ABCA5: variants seen among roughly 807,000 people sequenced by gnomAD.
ABCA5 encodes the protein cholesterol transporter ABCA5.
Under a neutral mutation model 206.0 loss-of-function variants are expected in ABCA5, and 163 were observed. That is an observed-to-expected ratio of 0.79 (90% CI 0.70 to 0.90). ABCA5 has a LOEUF of 0.90. ABCA5 is among the 40% of genes least tolerant of loss of function. ABCA5 has a pLI of 0.00. For synonymous variants in ABCA5, 609 were observed against 613.8 expected (o/e 0.99, Z 0.11); for missense variants, 1,859 against 1,912.9 (o/e 0.97, Z 0.53).
At chr17:69,248,987 A>G (rs1026443145) in intron 37 of ABCA5, 2 of 152,294 alleles carry the variant, frequency 1.3e-5, no homozygotes, top group African/African-American at 4.8e-5. Context: ...TCAGCCTCCC[A>G]AAGTGCTGAG....
chr17:69,271,256 G>A lies in ABCA5; in HGVS notation c.2798C>T (p.Thr933Ile), dbSNP rs745841862. 6.2e-7 allele frequency: 1 copy of A among 1,612,550 alleles called. No individual in the cohort carries two copies. Among genetic ancestry groups the A allele is most frequent in the East Asian group, 2.2e-5 (1 of 44,798 alleles). ...CATCGTCACCATTATGTTCTGGCTTGTGAAAAAGCTAATAAGATCACTGAT... is the reference window on the plus strand; with the variant it reads ...CATCGTCACCATTATGTTCTGGCTTATGAAAAAGCTAATAAGATCACTGAT... ...SDISDLISFF[T>I]SQNIMVTMIN... Residue 933 changes from threonine to isoleucine, a missense_variant, in exon 21 of 39, where the codon ACA becomes ATA. Transcript: ENST00000392676.
At chr17:69,318,952 G>T in intron 1 of ABCA5, 1 of 591,398 alleles carries the variant, frequency 1.7e-6, no homozygotes, top group Non-Finnish European at 3.1e-6. Context: ...TAGAAGCCTT[G>T]GAACAAGTAT....
chr17:69,312,397 T>C lies in ABCA5; in HGVS notation c.307+695A>G, dbSNP rs2075778769. ...GGGCAACATAGCAAGATCCCATCTC[T>C]ACAAAAAATATATATATAAATAAAT... On this transcript the variant is annotated intron_variant, in intron 3 of 38. Transcript: ENST00000392676. 2.0e-5 allele frequency among the ~76,000 whole-genome samples: 3 copies of C among 152,248 alleles called. No individual in the cohort carries two copies. The South Asian group carries it at 6.2e-4, about 32-fold the overall frequency.
rs180924615 is a variant in ABCA5 at position 69,255,719 on chromosome 17, A to C, written c.3976+14T>G. On this transcript the variant is annotated intron_variant, in intron 30 of 38. Transcript: ENST00000392676. Reference sequence around the variant, plus strand: ...CTTCTAGAAAAGTTATGTAAGGAAAAATTAAATACCAGCCTTTTTTCACAC... The same window carrying C: ...CTTCTAGAAAAGTTATGTAAGGAAACATTAAATACCAGCCTTTTTTCACAC... The C allele has an allele frequency of 1.6e-4, 252 of 1,580,462 alleles. No individual in the cohort carries two copies. The African/African-American group carries it at 2.9e-3, about 18-fold the overall frequency.
intron 1 of ABCA5, among the ~76,000 whole-genome samples, chr17:69,321,079 G>A (rs1178611154): frequency 6.6e-6 from 1 of 152,136 alleles, no homozygotes; most frequent in Non-Finnish European, 1.5e-5. Flanking sequence ...ATCCTCCACT[G>A]TTTTGCAGGG....
chr17:69,261,205 T>C lies in ABCA5; in HGVS notation c.3484A>G (p.Ile1162Val), dbSNP rs201119286. ...TEITFFMGYTIATILHYAFCI... is the reference protein window; with the variant it reads ...TEITFFMGYTVATILHYAFCI... The stretch of plus-strand genomic sequence containing the variant: ...AAGGCATAATGAAGAATAGTTGCAA[T>C]TGTGTATCCCATAAAGAAAGTTATT... The change falls in exon 26 of 39, where the codon ATT becomes GTT. Residue 1162 changes from isoleucine (I) to valine (V), a missense_variant. Ile to Val is a conservative substitution (Grantham distance 29, BLOSUM62 3). Coordinates refer to ENST00000392676, the MANE Select transcript of ABCA5 (RefSeq NM_172232.4). 3.1e-6 allele frequency: 5 copies of C among 1,609,430 alleles called. No individual in the cohort carries two copies. Among genetic ancestry groups the C allele is most frequent in the East Asian group, 4.5e-5 (2 of 44,598 alleles).
intron 14 of ABCA5, 58 bp downstream of exon 14, chr17:69,289,116 CCTG>C (rs760980842): frequency 1.0e-4 from 155 of 1,518,018 alleles, no homozygotes; most frequent in African/African-American, 3.7e-4. Flanking sequence ...CTTTCTACAA[CCTG>C]CTTTTTAATT....
In ABCA5 at chr17:69,255,866, G is replaced by T. The variant is rs1003318222; in HGVS notation, c.3859-16C>A. On this transcript the variant is annotated splice_polypyrimidine_tract_variant and intron_variant, in intron 29 of 38. Transcript: ENST00000392676. ...TGGATGGTTTCTAATAAGAAAAATT[G>T]TATTTAAAAAGAAAGTTATAAAACT... 2.0e-6 allele frequency: 3 copies of T among 1,518,112 alleles called. No individual in the cohort carries two copies. In the South Asian group the frequency reaches 3.7e-5, roughly 19 times the overall value. 94.0% of individuals were successfully genotyped at this position (1,518,112 alleles called of 1,614,324 possible).
At chr17:69,288,261 G>A (rs1231469945) in intron 14 of ABCA5, among the ~76,000 whole-genome samples, 1 of 152,042 alleles carries the variant, frequency 6.6e-6, no homozygotes, top group East Asian at 1.9e-4. Context: ...CAGGATGGTG[G>A]GGATCAATAG....
intron 24 of ABCA5, among the ~76,000 whole-genome samples, chr17:69,262,928 TCTAA>T (rs1386921079): frequency 6.6e-6 from 1 of 152,220 alleles, no homozygotes; most frequent in Non-Finnish European, 1.5e-5. Flanking sequence ...TCATAGCCAT[TCTAA>T]CTGACATGAG....
At position 69,281,113 on chromosome 17, in the gene ABCA5, A is replaced by G. The variant is rs1038623250; in HGVS notation, c.2392+2840T>C. 1.1e-4 allele frequency among the ~76,000 whole-genome samples: 17 copies of G among 151,930 alleles called. 1 individual carries two copies. Among genetic ancestry groups the G allele is most frequent in the Admixed American group, 1.1e-3 (17 of 15,274 alleles). ...ATAAACATATATTTATTTAATGGCA[A>G]GAATAAAATACTACACAATTGAGGT... is the stretch of plus-strand genomic sequence containing the variant. On this transcript the variant is annotated intron_variant, in intron 18 of 38. Coordinates refer to ENST00000392676, the MANE Select transcript of ABCA5 (RefSeq NM_172232.4).
In ABCA5 at chr17:69,323,092, A is replaced by G. The variant is rs114874449; in HGVS notation, c.-16+3960T>C. ...GCTTCTAAACGTTGTTCGGCACTGA[A>G]GGTTGACTTTGGAGACTGGGTCATG... is the stretch of plus-strand genomic sequence containing the variant. On this transcript the variant is annotated intron_variant, in intron 1 of 38. Transcript: ENST00000392676. Among the ~76,000 whole-genome samples the G allele has an allele frequency of 2.6e-3, 399 of 152,286 alleles. 1 individual carries two copies. Among genetic ancestry groups the G allele is most frequent in the African/African-American group, 9.1e-3 (379 of 41,552 alleles).
chr17:69,248,874 T>C (rs2074981620), intron 37 of ABCA5: 1 of 152,258 alleles, frequency 6.6e-6, no homozygotes, highest in Admixed American at 6.6e-5. Flanking sequence ...TACAGGCACA[T>C]GCCACTATAC....
chr17:69,248,594 C>T (rs2074978523), intron 37 of ABCA5: 1 of 250,766 alleles, frequency 4.0e-6, no homozygotes, highest in African/African-American at 2.2e-5. Flanking sequence ...CTTTTCATGT[C>T]TTCTTTTGAT....
chr17:69,254,101 C>T lies in ABCA5; in HGVS notation c.4244+214G>A, dbSNP rs149795712. ...TCATGATATCTATAGGTATATTTAT[C>T]CTGTAACTAGAAATTAAAAAATGAC... On this transcript the variant is annotated intron_variant, in intron 32 of 38. Coordinates refer to ENST00000392676, the MANE Select transcript of ABCA5 (RefSeq NM_172232.4). Among the ~76,000 whole-genome samples the T allele has an allele frequency of 5.2e-3, 792 of 151,972 alleles. 12 individuals carry two copies. The highest frequency in any genetic ancestry group is 0.018 in the African/African-American group (731 of 41,468).
chr17:69,294,722 T>C lies in ABCA5; in HGVS notation c.1437-9A>G, dbSNP rs1043798301. On this transcript the variant is annotated splice_polypyrimidine_tract_variant and intron_variant, in intron 10 of 38. Transcript: ENST00000392676. Reference sequence around the variant, plus strand: ...TCTGAATACCACTAATTCTGAAATATAAAGTTTTATATTTTAAGTATTTAA... The same window carrying C: ...TCTGAATACCACTAATTCTGAAATACAAAGTTTTATATTTTAAGTATTTAA... 1.9e-6 allele frequency: 3 copies of C among 1,571,880 alleles called. No homozygotes were observed. The highest frequency in any genetic ancestry group is 3.4e-5 in the Admixed American group (2 of 58,456).
In ABCA5 at chr17:69,313,192, C is replaced by T; in HGVS notation, c.207G>A (p.Met69Ile). Residue 69 changes from methionine to isoleucine, a missense_variant, in exon 3 of 39, where the codon ATG (methionine) becomes ATA (isoleucine). Physicochemically the swap from Met to Ile is conservative, Grantham distance 10 (BLOSUM62 1). Transcript: ENST00000392676. ...TTAGATTAGAAAGAGTAAACTTGTCCATAGGATTGAGTTCTATATTAGGCA... is the reference window on the plus strand; with the variant it reads ...TTAGATTAGAAAGAGTAAACTTGTCTATAGGATTGAGTTCTATATTAGGCA... The part of the protein sequence containing the change: ...EEVPNIELNP[M>I]DKFTLSNLIL... The T allele has an allele frequency of 1.3e-6, 2 of 1,593,964 alleles. No homozygotes were observed. Among genetic ancestry groups the T allele is most frequent in the Non-Finnish European group, 1.7e-6 (2 of 1,162,552 alleles).
intron 26 of ABCA5, among the ~76,000 whole-genome samples, chr17:69,260,649 G>A (rs946293221): frequency 6.6e-6 from 1 of 151,890 alleles, no homozygotes; most frequent in South Asian, 2.1e-4. Context: ...AGTAGGATTA[G>A]TAAGTAGAAT....
At position 69,261,621 on chromosome 17, in the gene ABCA5, A is replaced by G; in HGVS notation, c.3429+14T>C. The stretch of plus-strand genomic sequence containing the variant: ...CTGCTATGGAAAGTTGAAATAATGT[A>G]AAATGTGACTTACCACAGAATAGAT... On this transcript the variant is annotated intron_variant, in intron 25 of 38. Transcript: ENST00000392676. 1 of 1,144,976 alleles carries G rather than the reference A, an allele frequency of 8.7e-7. No individual in the cohort carries two copies. Among genetic ancestry groups the G allele is most frequent in the South Asian group, 1.5e-5 (1 of 68,866 alleles). The allele number at this position is 1,144,976 out of a possible 1,614,324, so 70.9% of individuals were successfully genotyped here. A position where few individuals can be genotyped will look rare whatever the true frequency, so the allele number is the denominator to read the frequency against.
Sources: allele counts gnomAD v4.1 joint callset (sites outside exome capture counted in the v4.1 genomes callset), GRCh38; gene constraint gnomAD v4.1.1; transcripts MANE v1.5; gene names NCBI Gene and HGNC (gene_info 2026-07-23, HGNC 2026-07-21).